The following RMDN2 variants were observed in gnomAD, a reference collection of about 807,000 sequenced individuals.
RMDN2 encodes the protein regulator of microtubule dynamics protein 2.
Under a neutral mutation model 52.8 loss-of-function variants are expected in RMDN2, and 61 were observed. The observed-to-expected ratio is 1.16, with a 90% CI of 0.94 to 1.43. The LOEUF is 1.43. RMDN2 is among the 40% of genes most tolerant of loss of function. RMDN2 has a pLI of 0.00. For missense variants in RMDN2, 592 were observed against 475.3 expected (o/e 1.25, Z -2.28); for synonymous variants, 180 against 153.1 (o/e 1.18, Z -1.30).
chr2:37,928,613 A>G (rs1666474172), intron 1 of RMDN2: 2 of 152,346 alleles, frequency 1.3e-5, no homozygotes, highest in South Asian at 2.1e-4. Flanking sequence ...CTACCCACCT[A>G]TTTAAATCTC....
chr2:37,997,398 G>C lies in RMDN2; in HGVS notation c.946-18G>C. 6.5e-7 allele frequency: 1 copy of C among 1,531,718 alleles called. No homozygotes were observed. Among genetic ancestry groups the C allele is most frequent in the Non-Finnish European group, 9.0e-7 (1 of 1,109,552 alleles). The allele number at this position is 1,531,718 out of a possible 1,614,324, so 94.9% of individuals were successfully genotyped here. A position where few individuals can be genotyped will look rare whatever the true frequency, so the allele number is the denominator to read the frequency against. ...AGGTGAACAACTTTCTAAGAGTGATGTTGTTGTGTATTTGCAGGTCTCAAA... is the reference window on the plus strand; with the variant it reads ...AGGTGAACAACTTTCTAAGAGTGATCTTGTTGTGTATTTGCAGGTCTCAAA... On this transcript the variant is annotated intron_variant, in intron 7 of 10. Transcript: ENST00000354545.
chr2:37,995,332 A>G (rs1675375971), intron 7 of RMDN2, among the ~76,000 whole-genome samples: 1 of 149,984 alleles, frequency 6.7e-6, no homozygotes, highest in African/African-American at 2.5e-5. Context: ...GACTACTACT[A>G]CTACTACTAC....
chr2:38,008,843 C>T (rs1046067950), intron 10 of RMDN2, among the ~76,000 whole-genome samples: 14 of 152,236 alleles, frequency 9.2e-5, no homozygotes, highest in East Asian at 3.9e-4. Flanking sequence ...TGGCTGGTAC[C>T]GGTTGTTCCT....
intron 10 of RMDN2, among the ~76,000 whole-genome samples, chr2:38,015,099 T>C (rs1678563087): frequency 6.6e-6 from 1 of 152,216 alleles, no homozygotes; most frequent in Non-Finnish European, 1.5e-5. Context: ...TCTAGAAAGT[T>C]AGAAGGAAGC....
intron 4 of RMDN2, among the ~76,000 whole-genome samples, chr2:37,977,552 C>T (rs1029864837): frequency 2.5e-4 from 38 of 151,860 alleles, no homozygotes; most frequent in Non-Finnish European, 3.5e-4. Flanking sequence ...GGAGGGGCTC[C>T]TCAGTTCCCA....
chr2:38,001,045 T>C (rs1014451021), intron 8 of RMDN2, among the ~76,000 whole-genome samples: 3 of 152,198 alleles, frequency 2.0e-5, no homozygotes, highest in East Asian at 3.8e-4. Context: ...ATTGCACTTA[T>C]TGTTTGCAGT....
intron 10 of RMDN2, among the ~76,000 whole-genome samples, chr2:38,014,395 A>G (rs1421673533): frequency 1.3e-5 from 2 of 152,328 alleles, no homozygotes; most frequent in East Asian, 3.9e-4. Flanking sequence ...TTTGCAATAT[A>G]TGTAATGGTC....
At chr2:37,935,374 A>G (rs1314806400) in intron 2 of RMDN2, among the ~76,000 whole-genome samples, 5 of 152,196 alleles carry the variant, frequency 3.3e-5, no homozygotes, top group Admixed American at 2.0e-4. Flanking sequence ...TTTACTCTTA[A>G]CATTACTTGC....
intron 2 of RMDN2, among the ~76,000 whole-genome samples, chr2:37,943,446 A>T (rs1424939035): frequency 6.6e-6 from 1 of 152,228 alleles, no homozygotes; most frequent in African/African-American, 2.4e-5. Flanking sequence ...TAACCATGTA[A>T]CTTCACTTCT....
chr2:37,997,637 T>C (rs1675749661), intron 8 of RMDN2, 123 bp downstream of exon 8: 3 of 690,800 alleles, frequency 4.3e-6, no homozygotes, highest in Non-Finnish European at 7.6e-6. Flanking sequence ...GGTTTTGGCA[T>C]GTTCTGTTTT....
At chr2:38,040,691 T>G (rs1338154360) in intron 10 of RMDN2, among the ~76,000 whole-genome samples, 2 of 152,232 alleles carry the variant, frequency 1.3e-5, no homozygotes, top group Admixed American at 1.3e-4. Context: ...AGTATTGTAT[T>G]GTCTGTTCTG....
chr2:38,002,507 A>G (rs140455964), intron 8 of RMDN2, among the ~76,000 whole-genome samples: 114 of 152,350 alleles, frequency 7.5e-4, no homozygotes, highest in African/African-American at 2.5e-3. Context: ...TAGATTTTCT[A>G]TCAATGTGCA....
At chr2:38,050,198 A>C (rs1455522601) in intron 10 of RMDN2, among the ~76,000 whole-genome samples, 1 of 152,108 alleles carries the variant, frequency 6.6e-6, no homozygotes, top group African/African-American at 2.4e-5. Flanking sequence ...ACCTCGCACC[A>C]TGGCCCCACA....
rs1009240996 is a variant in RMDN2 at position 38,029,012 on chromosome 2, A to G, written c.1713+24796A>G. On this transcript the variant is annotated intron_variant, in intron 10 of 10. Coordinates refer to the RMDN2 transcript ENST00000234195. ...GGGGCAGGAAGGCAAAGAACAGGAG[A>G]CTGGGCGGGCACATATCCATGCAAA... Among the ~76,000 whole-genome samples, 7 of 152,246 alleles carry G rather than the reference A, an allele frequency of 4.6e-5. No homozygotes were observed. In the South Asian group the frequency reaches 1.5e-3, roughly 32 times the overall value.
intron 10 of RMDN2, among the ~76,000 whole-genome samples, chr2:38,046,915 G>A (rs1051997975): frequency 1.8e-4 from 28 of 151,834 alleles, no homozygotes; most frequent in Non-Finnish European, 8.8e-5. Context: ...CCCAGGAGGC[G>A]GAGGTTGCAG....
intron 10 of RMDN2, among the ~76,000 whole-genome samples, chr2:38,051,893 T>C (rs1359383818): frequency 6.6e-6 from 1 of 152,192 alleles, no homozygotes; most frequent in Non-Finnish European, 1.5e-5. Context: ...ATTGGGTATA[T>C]ACCACACTTT....
Position 37,950,465 on chromosome 2 carries a change from C to T in RMDN2, c.452+20736C>T, listed in dbSNP as rs117906279. 4.3e-6 allele frequency: 7 copies of T among 1,611,156 alleles called. No individual in the cohort carries two copies. The East Asian group carries it at 1.1e-4, about 26-fold the overall frequency. On this transcript the variant is annotated intron_variant, in intron 2 of 10. Coordinates refer to ENST00000354545, the MANE Select transcript of RMDN2 (RefSeq NM_001170791.3). ...CTGTGTTATTGCCATGTTAACTCCACATGCAGCTTGAGCATTCAGTCTTCT... is the reference window on the plus strand; with the variant it reads ...CTGTGTTATTGCCATGTTAACTCCATATGCAGCTTGAGCATTCAGTCTTCT...
chr2:37,970,278 T>C (rs894389642), intron 2 of RMDN2, among the ~76,000 whole-genome samples: 17 of 152,140 alleles, frequency 1.1e-4, no homozygotes, highest in African/African-American at 3.9e-4. Flanking sequence ...TTGGAATTTA[T>C]TGGAAAAAAA....
intron 2 of RMDN2, among the ~76,000 whole-genome samples, chr2:37,937,716 T>G (rs936752926): frequency 3.9e-5 from 6 of 152,218 alleles, no homozygotes; most frequent in Admixed American, 2.0e-4. Flanking sequence ...GTAGGAATGC[T>G]TGGAATTTTT....
Sources: gnomAD v4.1 joint callset for allele counts (sites outside exome capture counted in the v4.1 genomes callset) on GRCh38, gnomAD v4.1.1 for gene constraint, MANE v1.5 for transcripts, NCBI Gene and HGNC (gene_info 2026-07-23, HGNC 2026-07-21) for gene names.